Variants in MROH9 observed in about 807,000 individuals in gnomAD.
The protein encoded by MROH9 is maestro heat-like repeat-containing protein family member 9.
Under a neutral mutation model 98.2 loss-of-function variants are expected in MROH9, and 92 were observed. The ratio of observed to expected loss-of-function variants is 0.94; its 90% CI spans 0.79 to 1.11. MROH9 has a LOEUF of 1.11. MROH9 is among the 50% of genes most tolerant of loss of function. MROH9 has a pLI of 0.00. For missense variants in MROH9, 1,057 were observed against 1,014.8 expected, an observed-to-expected ratio of 1.04 and a Z score of -0.57; for synonymous variants, 397 against 368.9, an observed-to-expected ratio of 1.08 and a Z score of -0.87.
intron 8 of MROH9, among the ~76,000 whole-genome samples, chr1:170,977,975 G>A (rs1315709506): frequency 6.6e-6 from 1 of 152,172 alleles, no homozygotes; most frequent in Non-Finnish European, 1.5e-5. Context: ...CTTTCTCTGG[G>A]TTGACTGTAA....
At chr1:170,945,038 G>T (rs1649270433) in intron 1 of MROH9, among the ~76,000 whole-genome samples, 1 of 151,844 alleles carries the variant, frequency 6.6e-6, no homozygotes, top group Admixed American at 6.6e-5. Flanking sequence ...TTTAAGTCTG[G>T]GTCTGGAGGT....
chr1:171,048,297 A>G (rs796562612), intron 20 of MROH9, among the ~76,000 whole-genome samples: 2 of 152,326 alleles, frequency 1.3e-5, no homozygotes, highest in African/African-American at 4.8e-5. Flanking sequence ...GACTAGGGTC[A>G]AAAACCTTGG....
rs188716320 is a variant in MROH9, at chr1:170,953,909, G to C, written c.73-4552G>C. On this transcript the variant is annotated intron_variant, in intron 3 of 21. Coordinates refer to ENST00000367759, the MANE Select transcript of MROH9 (RefSeq NM_001163629.2). ...AAAGAAAGAAAAAAAGAGAGAGAAA[G>C]AAAGAAACACCGTGAAAAGAGTCAT... Among the ~76,000 whole-genome samples the C allele has an allele frequency of 4.9e-3, 742 of 151,396 alleles. 6 individuals carry two copies. Among genetic ancestry groups the C allele is most frequent in the African/African-American group, 0.017 (693 of 41,280 alleles).
chr1:171,050,059 A>T (rs1329055001), intron 20 of MROH9, among the ~76,000 whole-genome samples: 1 of 152,184 alleles, frequency 6.6e-6, no homozygotes, highest in Non-Finnish European at 1.5e-5. Flanking sequence ...CATACTATGC[A>T]AATACTTTCT....
chr1:170,937,682 C>T (rs368883608), intron 1 of MROH9, among the ~76,000 whole-genome samples: 12 of 151,510 alleles, frequency 7.9e-5, no homozygotes, highest in South Asian at 2.1e-4. Flanking sequence ...CCACTACGCC[C>T]GGCTAATTTT....
At chr1:171,008,110 A>C (rs1010135269) in intron 15 of MROH9, among the ~76,000 whole-genome samples, 7 of 152,186 alleles carry the variant, frequency 4.6e-5, no homozygotes, top group African/African-American at 1.7e-4. Context: ...ATGGATTTTC[A>C]TAGAAATGCT....
intron 18 of MROH9, 36 bp downstream of exon 18, chr1:171,024,583 A>G: frequency 6.6e-7 from 1 of 1,524,468 alleles, no homozygotes; most frequent in Non-Finnish European, 8.8e-7. Flanking sequence ...TAAATTTACC[A>G]AGGATTGTAA....
chr1:171,037,940 G>A (rs945108711), intron 20 of MROH9, among the ~76,000 whole-genome samples: 9 of 151,708 alleles, frequency 5.9e-5, no homozygotes, highest in African/African-American at 1.9e-4. Context: ...AAATCCAGAT[G>A]GTCACAAGTT....
At chr1:170,983,100 G>C (rs1277782759) in intron 8 of MROH9, among the ~76,000 whole-genome samples, 1 of 152,116 alleles carries the variant, frequency 6.6e-6, no homozygotes, top group Admixed American at 6.5e-5. Context: ...TACTTTCCCT[G>C]CCAATAGACC....
At position 171,038,830 on chromosome 1, in the gene MROH9, A is replaced by G. The variant is rs535812964; in HGVS notation, c.2281+13410A>G. Among the ~76,000 whole-genome samples the G allele has an allele frequency of 3.9e-5, 6 of 152,296 alleles. No individual in the cohort carries two copies. In the East Asian group the frequency reaches 7.7e-4, roughly 20 times the overall value. ...GGAAATATAGTTATTTAAATGGTCA[A>G]GAAGGGGATCATGGTGTTAACAGCT... On this transcript the variant is annotated intron_variant, in intron 20 of 21. Transcript: ENST00000367759.
intron 1 of MROH9, among the ~76,000 whole-genome samples, chr1:170,942,504 A>G (rs546472915): frequency 3.9e-5 from 6 of 152,114 alleles, no homozygotes; most frequent in Non-Finnish European, 8.8e-5. Context: ...AAAATTTTTA[A>G]GAAACTTTTG....
intron 15 of MROH9, among the ~76,000 whole-genome samples, chr1:171,004,760 C>T (rs181627192): frequency 1.1e-3 from 172 of 152,068 alleles, no homozygotes; most frequent in Non-Finnish European, 4.4e-4. Context: ...AGTCCTGCTT[C>T]CCATCTGCCA....
Position 170,992,387 on chromosome 1 carries a change from C to A in MROH9, c.1194+58C>A, listed in dbSNP as rs1651392218. 3 of 1,529,028 alleles carry A rather than the reference C, an allele frequency of 2.0e-6. No individual in the cohort carries two copies. In the African/African-American group the frequency reaches 4.1e-5, roughly 21 times the overall value. The allele number at this position is 1,529,028 out of a possible 1,614,324, so 94.7% of individuals were successfully genotyped here. On this transcript the variant is annotated intron_variant, in intron 12 of 21. Transcript: ENST00000367759. Reference sequence around the variant, plus strand: ...GTACTGTTTTCCTGATTGTGAAAATCCCTATCTGCCCACAGACTCAATCAT... The same window carrying A: ...GTACTGTTTTCCTGATTGTGAAAATACCTATCTGCCCACAGACTCAATCAT...
chr1:171,024,801 T>A, intron 19 of MROH9, 36 bp downstream of exon 19: 1 of 1,266,718 alleles, frequency 7.9e-7, no homozygotes, highest in Non-Finnish European at 1.1e-6. Flanking sequence ...CTATAAGAGT[T>A]GTAGACAAAA....
At chr1:170,991,269 C>G (rs1341240548) in intron 11 of MROH9, among the ~76,000 whole-genome samples, 1 of 151,954 alleles carries the variant, frequency 6.6e-6, no homozygotes, top group Non-Finnish European at 1.5e-5. Context: ...ACCAAAGAAA[C>G]ACATGGAACA....
At chr1:171,016,077 C>T (rs1054122130) in intron 16 of MROH9, 86 bp from the exon 17 acceptor site, 22 of 928,838 alleles carry the variant, frequency 2.4e-5, no homozygotes, top group Middle Eastern at 3.3e-4. Context: ...CATGATGTGC[C>T]GCCCAGACTC....
intron 21 of MROH9, 130 bp downstream of exon 21, chr1:171,062,324 T>G: frequency 3.1e-6 from 2 of 637,354 alleles, no homozygotes; most frequent in Non-Finnish European, 2.7e-6. Flanking sequence ...TAGTAGTAGT[T>G]GGATAATTAC....
chr1:170,977,469 G>T (rs1650748827), intron 8 of MROH9, among the ~76,000 whole-genome samples: 1 of 152,130 alleles, frequency 6.6e-6, no homozygotes, highest in South Asian at 2.1e-4. Context: ...TCTCATCTTT[G>T]GTTTCATGGT....
At chr1:170,990,628 C>G (rs1651321920) in intron 11 of MROH9, among the ~76,000 whole-genome samples, 1 of 152,174 alleles carries the variant, frequency 6.6e-6, no homozygotes, top group African/African-American at 2.4e-5. Flanking sequence ...CATTGGAAAT[C>G]AAGGTACTAC....
Sources: allele counts gnomAD v4.1 joint callset (sites outside exome capture counted in the v4.1 genomes callset), GRCh38; gene constraint gnomAD v4.1.1; transcripts MANE v1.5; gene names NCBI Gene and HGNC (gene_info 2026-07-23, HGNC 2026-07-21).